Variants in MORC1 observed in about 807,000 individuals in gnomAD.
The protein encoded by MORC1 is MORC family CW-type zinc finger protein 1.
A neutral mutation model predicts 134.9 loss-of-function variants in MORC1; 59 were observed. The observed-to-expected ratio is 0.44, with a 90% CI of 0.35 to 0.54. The LOEUF (loss-of-function observed/expected upper bound fraction) is 0.54, where lower values mean the gene tolerates loss of function less well. Among genes scored for constraint, MORC1 ranks in the 20% least tolerant of loss-of-function variants. The probability of loss-of-function intolerance (pLI) is 0.00; values close to 1 mark genes in which losing one functional copy is unlikely to be tolerated. For missense variants in MORC1, 947 were observed against 1,134.5 expected (o/e 0.83, Z 2.37); for synonymous variants, 395 against 391.7 (o/e 1.01, Z -0.10).
At chr3:109,094,790 C>G in intron 7 of MORC1, 119 bp downstream of exon 7, 3 of 919,802 alleles carry the variant, frequency 3.3e-6, no homozygotes, top group Non-Finnish European at 4.6e-6. Context: ...TGACTGTCCC[C>G]AGTGTGAATC....
intron 8 of MORC1, among the ~76,000 whole-genome samples, chr3:109,086,738 C>T (rs1005175020): frequency 3.3e-5 from 5 of 152,084 alleles, no homozygotes; most frequent in Admixed American, 3.3e-4. Context: ...ACAGGTGGAC[C>T]ATCCCTTATC....
intron 8 of MORC1, among the ~76,000 whole-genome samples, chr3:109,088,813 C>A (rs1396420443): frequency 6.6e-6 from 1 of 152,136 alleles, no homozygotes; most frequent in African/African-American, 2.4e-5. Flanking sequence ...AGATATGGAA[C>A]CTAAATGTCC....
chr3:108,992,598 T>C (rs1948094245), intron 21 of MORC1, among the ~76,000 whole-genome samples: 1 of 152,158 alleles, frequency 6.6e-6, no homozygotes, highest in Non-Finnish European at 1.5e-5. Flanking sequence ...TCCAACTCTA[T>C]AAAGCTTTGA....
intron 24 of MORC1, among the ~76,000 whole-genome samples, chr3:108,973,130 C>T (rs932079668): frequency 6.6e-6 from 1 of 152,084 alleles, no homozygotes; most frequent in Non-Finnish European, 1.5e-5. Flanking sequence ...AATCACAGTA[C>T]CTTTTGCCAT....
intron 14 of MORC1, among the ~76,000 whole-genome samples, chr3:109,043,195 G>A (rs1042935857): frequency 1.9e-4 from 19 of 100,868 alleles, no homozygotes; most frequent in African/African-American, 6.0e-4. Flanking sequence ...ATGTGGGGGG[G>A]GGGGGGTGTG....
intron 7 of MORC1, among the ~76,000 whole-genome samples, chr3:109,093,908 C>T (rs1054542193): frequency 2.2e-4 from 34 of 152,178 alleles, no homozygotes; most frequent in Admixed American, 1.3e-4. Context: ...CTGAATTTAA[C>T]ACACATAAAA....
At position 108,996,275 on chromosome 3, in the gene MORC1, T is replaced by TGCGCGTGCGC. The variant is rs142068141; in HGVS notation, c.2187+4281_2187+4282insGCGCACGCGC. ...ATGCCTGTGCACATGTGCGCGTGCG[T>TGCGCGTGCGC]GCGCGCGCGCGCACACACACACACA... On this transcript the variant is annotated intron_variant, in intron 21 of 27. Coordinates refer to ENST00000232603, the MANE Select transcript of MORC1 (RefSeq NM_014429.4). Among the ~76,000 whole-genome samples the TGCGCGTGCGC allele has an allele frequency of 1.9e-4, 23 of 121,874 alleles. 1 individual carries two copies. The highest frequency in any genetic ancestry group is 4.8e-4 in the African/African-American group (17 of 35,774). The allele number at this position is 121,874 out of a possible 152,430, so 80.0% of individuals were successfully genotyped here.
chr3:108,996,298 ACAC>A (rs1948223936), intron 21 of MORC1, among the ~76,000 whole-genome samples: 1 of 151,722 alleles, frequency 6.6e-6, no homozygotes, highest in Admixed American at 6.6e-5. Flanking sequence ...ACACACACAC[ACAC>A]ACACACAACT....
intron 17 of MORC1, among the ~76,000 whole-genome samples, chr3:109,025,004 A>G (rs1218307370): frequency 6.6e-6 from 1 of 152,200 alleles, no homozygotes; most frequent in African/African-American, 2.4e-5. Flanking sequence ...ATATCACCAA[A>G]ACATAGTTTC....
chr3:109,005,335 G>T lies in MORC1; in HGVS notation c.1768-20C>A, dbSNP rs766260044. 3 of 1,562,780 alleles carry T rather than the reference G, an allele frequency of 1.9e-6. No homozygotes were observed. Among genetic ancestry groups the T allele is most frequent in the South Asian group, 1.2e-5 (1 of 82,524 alleles). ...ATTTTCCTTAAATAACAAAGAACAT[G>T]TTTTTATTTTTTGGTAGATAGCCTA... On this transcript the variant is annotated intron_variant, in intron 18 of 27. Transcript: ENST00000232603.
intron 11 of MORC1, among the ~76,000 whole-genome samples, chr3:109,060,269 A>T (rs1239793098): frequency 6.6e-6 from 1 of 151,924 alleles, no homozygotes; most frequent in Non-Finnish European, 1.5e-5. Flanking sequence ...CAGGAAAAAA[A>T]AAAAAGATAA....
intron 12 of MORC1, among the ~76,000 whole-genome samples, chr3:109,058,490 C>T (rs1950011422): frequency 6.6e-6 from 1 of 152,058 alleles, no homozygotes; most frequent in East Asian, 1.9e-4. Flanking sequence ...TGACCACGTG[C>T]TATTATAATT....
chr3:109,025,379 C>CCTT (rs1949050115), intron 17 of MORC1, among the ~76,000 whole-genome samples: 1 of 105,100 alleles, frequency 9.5e-6, no homozygotes, highest in Non-Finnish European at 1.9e-5. Flanking sequence ...TTTCTTTTTT[C>CCTT]TTTTTTTTTT....
At chr3:109,047,564 C>T (rs1354811879) in intron 14 of MORC1, among the ~76,000 whole-genome samples, 1 of 151,560 alleles carries the variant, frequency 6.6e-6, no homozygotes, top group African/African-American at 2.4e-5. Flanking sequence ...TTTTTTCCAA[C>T]AGTCAATTTG....
In MORC1 at chr3:109,003,130, G is replaced by A. The variant is rs115449345; in HGVS notation, c.2085+1687C>T. ...AAAAACTGCCATAGTAGCAGTTGACGTTTGTCTCTGTAATTATTGGGTGTC... is the reference window on the plus strand; with the variant it reads ...AAAAACTGCCATAGTAGCAGTTGACATTTGTCTCTGTAATTATTGGGTGTC... On this transcript the variant is annotated intron_variant, in intron 20 of 27. Coordinates refer to ENST00000232603, the MANE Select transcript of MORC1 (RefSeq NM_014429.4). Among the ~76,000 whole-genome samples, 1,420 of 152,018 alleles carry A rather than the reference G, an allele frequency of 9.3e-3. 5 individuals are homozygous for A. Among genetic ancestry groups the A allele is most frequent in the Non-Finnish European group, 0.012 (797 of 67,976 alleles).
intron 9 of MORC1, among the ~76,000 whole-genome samples, chr3:109,067,187 G>T (rs1950217266): frequency 6.6e-6 from 1 of 152,042 alleles, no homozygotes; most frequent in Admixed American, 6.6e-5. Flanking sequence ...AACTCATTTG[G>T]GCTCCTTTCA....
intron 8 of MORC1, among the ~76,000 whole-genome samples, chr3:109,073,120 G>T (rs1950353054): frequency 6.6e-6 from 1 of 152,160 alleles, no homozygotes; most frequent in Non-Finnish European, 1.5e-5. Context: ...ATTCTTAACA[G>T]TCTCTAATTT....
At position 109,059,946 on chromosome 3, in the gene MORC1, T is replaced by A; in HGVS notation, c.967-76A>T. 2 of 1,244,266 alleles carry A rather than the reference T, an allele frequency of 1.6e-6. 1 individual carries two copies. The highest frequency in any genetic ancestry group is 4.0e-5 in the Admixed American group (2 of 50,402). The allele number at this position is 1,244,266 out of a possible 1,614,324, so 77.1% of individuals were successfully genotyped here. ...AAAGCAAGTTGATATTATCCTATTA[T>A]CCAAATGTTTCAAGGGTAACAATAG... On this transcript the variant is annotated intron_variant, in intron 11 of 27. Coordinates refer to ENST00000232603, the MANE Select transcript of MORC1 (RefSeq NM_014429.4).
At chr3:109,040,415 G>GA (rs1949492298) in intron 14 of MORC1, among the ~76,000 whole-genome samples, 2 of 27,568 alleles carry the variant, frequency 7.3e-5, no homozygotes, top group Non-Finnish European at 1.7e-4. Context: ...AAGGAAGGAA[G>GA]GAAGGAAGGA....
Sources: gnomAD v4.1 joint callset for allele counts (sites outside exome capture counted in the v4.1 genomes callset) on GRCh38, gnomAD v4.1.1 for gene constraint, MANE v1.5 for transcripts, NCBI Gene and HGNC (gene_info 2026-07-23, HGNC 2026-07-21) for gene names.